Variants in WDR70 observed in about 807,000 individuals in gnomAD.
WDR70 encodes WD repeat-containing protein 70.
A neutral mutation model predicts 88.6 loss-of-function variants in WDR70; 53 were observed. The observed-to-expected ratio is 0.60, with a 90% confidence interval of 0.48 to 0.75. WDR70 has a LOEUF of 0.75. Among genes scored for constraint, WDR70 ranks in the 30% least tolerant of loss-of-function variants. The probability of loss-of-function intolerance (pLI) is 0.00; values close to 1 mark genes in which losing one functional copy is unlikely to be tolerated. For synonymous variants in WDR70, 280 were observed against 270.0 expected (o/e 1.04, Z -0.36); for missense variants, 610 against 823.2 (o/e 0.74, Z 3.17).
chr5:37,515,474 AGGTATT>A lies in WDR70; in HGVS notation c.841-1036_841-1031del, dbSNP rs1227722399. On this transcript the variant is annotated intron_variant, in intron 8 of 17. Transcript: ENST00000265107. ...CTCAGACTTGCCGTCTAGTCCTTCC[AGGTATT>A]GGTTCAATTCATGCCTCCCACATGG... Among the ~76,000 whole-genome samples the A allele has an allele frequency of 2.0e-5, 3 of 152,204 alleles. No individual in the cohort carries two copies. The East Asian group carries it at 5.8e-4, about 29-fold the overall frequency.
chr5:37,463,208 G>A (rs1272486073), intron 7 of WDR70, among the ~76,000 whole-genome samples: 1 of 152,090 alleles, frequency 6.6e-6, no homozygotes, highest in African/African-American at 2.4e-5. Context: ...GGAGGTGGTG[G>A]TTGCAGTGAG....
At chr5:37,707,682 A>C (rs1246200968) in intron 13 of WDR70, among the ~76,000 whole-genome samples, 3 of 151,712 alleles carry the variant, frequency 2.0e-5, no homozygotes, top group Non-Finnish European at 4.4e-5. Context: ...TGGGAGGCCA[A>C]GGCAGGTGGA....
chr5:37,439,617 G>C (rs1379806411), intron 6 of WDR70, among the ~76,000 whole-genome samples: 1 of 135,628 alleles, frequency 7.4e-6, no homozygotes, highest in African/African-American at 2.5e-5. Context: ...TATACTCTTG[G>C]CTTAACTCTT....
At chr5:37,576,138 CCCCT>C (rs894421759) in intron 9 of WDR70, among the ~76,000 whole-genome samples, 4 of 126,930 alleles carry the variant, frequency 3.2e-5, no homozygotes, top group South Asian at 3.3e-4. Flanking sequence ...CCCTCCTTCC[CCCCT>C]CCCTCCCTCC....
chr5:37,499,221 C>A (rs1183573786), intron 8 of WDR70, among the ~76,000 whole-genome samples: 1 of 151,772 alleles, frequency 6.6e-6, no homozygotes, highest in Non-Finnish European at 1.5e-5. Context: ...TCAAGTGATT[C>A]TCCTGCCTCA....
intron 10 of WDR70, among the ~76,000 whole-genome samples, chr5:37,661,678 G>A (rs549211527): frequency 1.3e-5 from 2 of 152,150 alleles, no homozygotes; most frequent in South Asian, 2.1e-4. Flanking sequence ...TGGAAGTGAG[G>A]TTTTCTTGTT....
intron 8 of WDR70, among the ~76,000 whole-genome samples, chr5:37,510,056 C>CAG (rs1326039013): frequency 5.3e-4 from 80 of 151,196 alleles, no homozygotes; most frequent in African/African-American, 1.9e-3. Flanking sequence ...CAGAGTGAGA[C>CAG]CCTCATCTGT....
intron 7 of WDR70, among the ~76,000 whole-genome samples, chr5:37,472,504 T>C (rs1046408718): frequency 5.3e-5 from 8 of 152,106 alleles, no homozygotes; most frequent in Admixed American, 5.2e-4. Flanking sequence ...TACAATTGAT[T>C]GATTACTTGA....
intron 15 of WDR70, chr5:37,723,330 G>T: frequency 5.2e-6 from 1 of 190,702 alleles, no homozygotes; most frequent in Non-Finnish European, 1.1e-5. Flanking sequence ...TTTAATCAGG[G>T]AAGTGTGGCG....
At chr5:37,380,510 T>G (rs1748393776) in intron 2 of WDR70, among the ~76,000 whole-genome samples, 1 of 151,930 alleles carries the variant, frequency 6.6e-6, no homozygotes, top group Non-Finnish European at 1.5e-5. Context: ...GGCTGATTTT[T>G]TTTTTGTATT....
chr5:37,662,556 G>GT (rs1745731390), intron 10 of WDR70, among the ~76,000 whole-genome samples: 2 of 152,066 alleles, frequency 1.3e-5, no homozygotes, highest in African/African-American at 4.8e-5. Flanking sequence ...AAGACAGTTT[G>GT]TTTCGTCATG....
chr5:37,737,463 A>G (rs532470171), intron 17 of WDR70, among the ~76,000 whole-genome samples: 3 of 152,228 alleles, frequency 2.0e-5, no homozygotes, highest in Non-Finnish European at 4.4e-5. Context: ...ATGAGCCAGC[A>G]TGGTGTAACA....
At chr5:37,713,021 A>C (rs1246583299) in intron 13 of WDR70, among the ~76,000 whole-genome samples, 1 of 152,116 alleles carries the variant, frequency 6.6e-6, no homozygotes, top group Non-Finnish European at 1.5e-5. Context: ...TAACTTTATA[A>C]ATTTTTTGTA....
chr5:37,634,499 G>A (rs1442952102), intron 10 of WDR70, among the ~76,000 whole-genome samples: 1 of 152,072 alleles, frequency 6.6e-6, no homozygotes, highest in African/African-American at 2.4e-5. Context: ...GGTGGCATTG[G>A]AGTGGCGTGA....
At chr5:37,588,085 A>C (rs1306796236) in intron 9 of WDR70, among the ~76,000 whole-genome samples, 2 of 152,180 alleles carry the variant, frequency 1.3e-5, no homozygotes, top group African/African-American at 4.8e-5. Flanking sequence ...GGAACATTTC[A>C]AGAGAACTTA....
At chr5:37,694,242 T>C (rs935775573) in intron 10 of WDR70, among the ~76,000 whole-genome samples, 1 of 152,236 alleles carries the variant, frequency 6.6e-6, no homozygotes, top group Non-Finnish European at 1.5e-5. Flanking sequence ...ACTTTTGCAC[T>C]GTTGGTGAGA....
chr5:37,401,086 C>T (rs1749176027), intron 5 of WDR70, among the ~76,000 whole-genome samples: 1 of 151,218 alleles, frequency 6.6e-6, no homozygotes, highest in South Asian at 2.1e-4. Flanking sequence ...ACATCCTTGA[C>T]CTCCTGGGCT....
At chr5:37,524,338 A>T (rs1390808006) in intron 9 of WDR70, among the ~76,000 whole-genome samples, 1 of 152,234 alleles carries the variant, frequency 6.6e-6, no homozygotes, top group Non-Finnish European at 1.5e-5. Flanking sequence ...ACATTCTTAA[A>T]GAAAAGAATT....
chr5:37,447,050 G>A (rs1182666973), intron 7 of WDR70, among the ~76,000 whole-genome samples: 1 of 152,050 alleles, frequency 6.6e-6, no homozygotes, highest in African/African-American at 2.4e-5. Context: ...ATCTGACAAA[G>A]GGCTAATATC....
Sources: gnomAD v4.1 joint callset for allele counts (sites outside exome capture counted in the v4.1 genomes callset) on GRCh38, gnomAD v4.1.1 for gene constraint, MANE v1.5 for transcripts, NCBI Gene and HGNC (gene_info 2026-07-23, HGNC 2026-07-21) for gene names.